Variants in ALDH6A1 observed in about 807,000 individuals in gnomAD.
ALDH6A1 encodes the protein aldehyde dehydrogenase 6 family member A1.
In ALDH6A1, 43 loss-of-function variants were observed where a neutral mutation model predicts 62.6. The observed-to-expected ratio is 0.69, with a 90% confidence interval of 0.54 to 0.89. The LOEUF is 0.89. Among genes scored for constraint, ALDH6A1 ranks in the 40% least tolerant of loss-of-function variants. The pLI, the probability that ALDH6A1 is intolerant of heterozygous loss-of-function variation, is 0.00. For missense variants in ALDH6A1, 551 were observed against 661.3 expected (o/e 0.83, Z 1.83); for synonymous variants, 194 against 234.2 (o/e 0.83, Z 1.57).
At chr14:74,068,511 C>T (rs963078339) in intron 7 of ALDH6A1, among the ~76,000 whole-genome samples, 3 of 151,990 alleles carry the variant, frequency 2.0e-5, no homozygotes, top group Non-Finnish European at 4.4e-5. Context: ...GAGGCCGAGG[C>T]GGGCAGATCA....
chr14:74,082,062 C>T (rs1221049795), intron 1 of ALDH6A1, among the ~76,000 whole-genome samples: 1 of 152,054 alleles, frequency 6.6e-6, no homozygotes, highest in Non-Finnish European at 1.5e-5. Flanking sequence ...CAAAAATTAG[C>T]TGGCATGGGG....
chr14:74,072,364 C>A lies in ALDH6A1; in HGVS notation c.187G>T (p.Ala63Ser). Residue 63 changes from alanine to serine, a missense_variant and splice_region_variant, in exon 4 of 12, where the codon GCC (alanine) becomes TCC (serine). Ala to Ser is a moderately conservative substitution (Grantham distance 99). Coordinates refer to ENST00000553458, the MANE Select transcript of ALDH6A1 (RefSeq NM_005589.4). ...ACCCGACCAATGACCTCATTGGTGG[C>A]CTGATGAGAAAAATAAGCACATGAT... ...SDKWIDIHNPATNEVIGRVPQ... is the reference protein window; with the variant it reads ...SDKWIDIHNPSTNEVIGRVPQ... 1 of 1,614,132 alleles carries A rather than the reference C, an allele frequency of 6.2e-7. No individual in the cohort carries two copies. The highest frequency in any genetic ancestry group is 8.5e-7 in the Non-Finnish European group (1 of 1,180,030).
In ALDH6A1 at chr14:74,057,576, T is replaced by C; in HGVS notation, c.*3066A>G. 7.5e-7 allele frequency: 1 copy of C among 1,330,508 alleles called. No individual in the cohort carries two copies. Among genetic ancestry groups the C allele is most frequent in the Admixed American group, 2.6e-5 (1 of 39,000 alleles). The allele number at this position is 1,330,508 out of a possible 1,614,324, so 82.4% of individuals were successfully genotyped here. A position where few individuals can be genotyped will look rare whatever the true frequency, so the allele number is the denominator to read the frequency against. On this transcript the variant is annotated 3_prime_UTR_variant, in exon 12 of 12. Coordinates refer to ENST00000553458, the MANE Select transcript of ALDH6A1 (RefSeq NM_005589.4). ...CATAGTGACCTTGTGACTCTTAGCT[T>C]TCCATCACAGGTGGGAAGTCAGAGT...
intron 1 of ALDH6A1, among the ~76,000 whole-genome samples, chr14:74,078,583 A>C (rs1215081665): frequency 6.6e-6 from 1 of 152,142 alleles, no homozygotes. Context: ...GCTGGAGTGC[A>C]GTGGTGCAAT....
intron 11 of ALDH6A1, among the ~76,000 whole-genome samples, chr14:74,061,499 T>C (rs114970737): frequency 0.012 from 1,886 of 152,058 alleles, 37 homozygotes; most frequent in African/African-American, 0.042. Context: ...AGGGCTAATT[T>C]CAGATTAGCC....
intron 11 of ALDH6A1, among the ~76,000 whole-genome samples, chr14:74,064,252 C>T (rs1444969580): frequency 6.7e-6 from 1 of 150,068 alleles, no homozygotes; most frequent in Non-Finnish European, 1.5e-5. Context: ...GAGCTAAGAC[C>T]ATGCCACAGC....
intron 2 of ALDH6A1, 60 bp downstream of exon 2, chr14:74,074,895 A>G: frequency 6.5e-7 from 1 of 1,532,252 alleles, no homozygotes; most frequent in Non-Finnish European, 9.0e-7. Context: ...GAAGATAGAG[A>G]TACCCAAAAC....
Position 74,066,695 on chromosome 14 carries a change from A to G in ALDH6A1, c.1224+10T>C. ...TCAGCTCTCATATTTGTGAAGTGAA[A>G]GTTGTTCACCTTGACATTCGAGATG... On this transcript the variant is annotated intron_variant, in intron 9 of 11. Transcript: ENST00000553458. 1.9e-6 allele frequency: 3 copies of G among 1,613,286 alleles called. No individual in the cohort carries two copies. The highest frequency in any genetic ancestry group is 2.5e-6 in the Non-Finnish European group (3 of 1,179,242).
chr14:74,073,247 G>T (rs777507996), intron 2 of ALDH6A1, among the ~76,000 whole-genome samples: 4 of 152,056 alleles, frequency 2.6e-5, no homozygotes, highest in Non-Finnish European at 5.9e-5. Flanking sequence ...GGGACTACAG[G>T]CACATGCTAC....
chr14:74,068,309 G>A (rs755396382), intron 7 of ALDH6A1, among the ~76,000 whole-genome samples: 12 of 152,026 alleles, frequency 7.9e-5, no homozygotes. Context: ...AACCTGGGAG[G>A]TGGAGGTTGC....
At chr14:74,084,256 A>G in intron 1 of ALDH6A1, 91 bp downstream of exon 1, 1 of 1,590,664 alleles carries the variant, frequency 6.3e-7, no homozygotes, top group Non-Finnish European at 8.6e-7. Context: ...GGTTGGGCCA[A>G]GAAGGTGGTC....
At chr14:74,081,624 C>G (rs1391294520) in intron 1 of ALDH6A1, among the ~76,000 whole-genome samples, 2 of 152,100 alleles carry the variant, frequency 1.3e-5, no homozygotes, top group Admixed American at 6.5e-5. Context: ...TGTTTACTTC[C>G]TACTTGCTAT....
At chr14:74,063,551 G>C (rs573024844) in intron 11 of ALDH6A1, among the ~76,000 whole-genome samples, 1 of 151,572 alleles carries the variant, frequency 6.6e-6, no homozygotes, top group Admixed American at 6.6e-5. Flanking sequence ...CATTTTATAC[G>C]TGAATAAATT....
chr14:74,076,229 G>A (rs1441334193), intron 1 of ALDH6A1, among the ~76,000 whole-genome samples: 2 of 152,162 alleles, frequency 1.3e-5, no homozygotes, highest in African/African-American at 4.8e-5. Context: ...ATATTGAAAT[G>A]CCATAGGTAC....
chr14:74,075,071 A>G, intron 1 of ALDH6A1, 54 bp from the exon 2 acceptor site: 1 of 1,545,874 alleles, frequency 6.5e-7, no homozygotes, highest in South Asian at 1.1e-5. Context: ...AGTTATTTAA[A>G]ATTTAGCAAA....
chr14:74,069,250 C>T (rs2060516505), intron 6 of ALDH6A1: 3 of 377,506 alleles, frequency 7.9e-6, no homozygotes, highest in Admixed American at 7.5e-5. Flanking sequence ...ATTATAGGCA[C>T]CCACCACCAT....
chr14:74,077,472 T>C (rs1216346047), intron 1 of ALDH6A1, among the ~76,000 whole-genome samples: 1 of 152,190 alleles, frequency 6.6e-6, no homozygotes, highest in East Asian at 1.9e-4. Context: ...CTCTAGCTTC[T>C]GGCGAGGGCT....
chr14:74,077,139 A>T (rs923798253), intron 1 of ALDH6A1, among the ~76,000 whole-genome samples: 1 of 152,134 alleles, frequency 6.6e-6, no homozygotes, highest in Non-Finnish European at 1.5e-5. Flanking sequence ...ACTCTCCTGG[A>T]GCCCATCATG....
rs562257926 is a variant in ALDH6A1 at position 74,067,239 on chromosome 14, T to G, written c.1042+141A>C. On this transcript the variant is annotated intron_variant, in intron 8 of 11. Coordinates refer to ENST00000553458, the MANE Select transcript of ALDH6A1 (RefSeq NM_005589.4). ...AAAAAAAGACTGCTAACAAGATGAC[T>G]CCAAATGACAAGTACAGTATAAAGA... 1.7e-5 allele frequency: 18 copies of G among 1,039,992 alleles called. No individual in the cohort carries two copies. The African/African-American group carries it at 2.9e-4, about 16-fold the overall frequency. 64.4% of individuals were successfully genotyped at this position (1,039,992 alleles called of 1,614,324 possible). A position where few individuals can be genotyped will look rare whatever the true frequency, so the allele number is the denominator to read the frequency against.
Sources: gnomAD v4.1 joint callset for allele counts (sites outside exome capture counted in the v4.1 genomes callset) on GRCh38, gnomAD v4.1.1 for gene constraint, MANE v1.5 for transcripts, NCBI Gene and HGNC (gene_info 2026-07-23, HGNC 2026-07-21) for gene names.